Variants in KLC1 observed in about 807,000 individuals in gnomAD.
The protein encoded by KLC1 is kinesin light chain 1.
KLC1 carries 30 observed loss-of-function variants against 84.2 expected under a neutral mutation model. The ratio of observed to expected loss-of-function variants is 0.36; its 90% CI spans 0.27 to 0.48. KLC1 has a LOEUF of 0.48. Among genes scored for constraint, KLC1 ranks in the 20% least tolerant of loss-of-function variants. KLC1 has a pLI of 0.99. For synonymous variants in KLC1, 289 were observed against 293.3 expected (o/e 0.99, Z 0.15); for missense variants, 499 against 805.4 (o/e 0.62, Z 4.60).
intron 1 of KLC1, among the ~76,000 whole-genome samples, chr14:103,641,176 C>T (rs889538144): frequency 2.0e-5 from 3 of 152,164 alleles, no homozygotes; most frequent in African/African-American, 4.8e-5. Context: ...CCACCTGCCT[C>T]GGCCTCCCAG....
intron 1 of KLC1, among the ~76,000 whole-genome samples, chr14:103,636,230 A>AT (rs1022228349): frequency 2.6e-5 from 4 of 151,164 alleles, no homozygotes; most frequent in East Asian, 3.9e-4. Context: ...TTTATTTTTT[A>AT]TTTTTTTTGA....
At chr14:103,663,560 C>T (rs1403757430) in intron 5 of KLC1, among the ~76,000 whole-genome samples, 1 of 152,198 alleles carries the variant, frequency 6.6e-6, no homozygotes, top group Non-Finnish European at 1.5e-5. Flanking sequence ...AATAGCCTTC[C>T]CACTTGGCCT....
chr14:103,688,128 T>A (rs1298110170), intron 14 of KLC1: 2 of 152,242 alleles, frequency 1.3e-5, no homozygotes, highest in Non-Finnish European at 2.9e-5. Context: ...ATGTGCCTGA[T>A]CAGTTGTTTC....
intron 13 of KLC1, chr14:103,679,759 C>A: frequency 3.8e-6 from 2 of 521,920 alleles, no homozygotes; most frequent in South Asian, 5.9e-5. Context: ...AGCTGTTTGG[C>A]TTAACTTTGA....
chr14:103,685,734 A>C, intron 13 of KLC1: 1 of 1,289,032 alleles, frequency 7.8e-7, no homozygotes, highest in Non-Finnish European at 1.0e-6. Context: ...TGTGTCTAGC[A>C]GCCTCTAGGA....
chr14:103,643,570 C>T (rs955590291), intron 1 of KLC1, among the ~76,000 whole-genome samples: 1 of 152,160 alleles, frequency 6.6e-6, no homozygotes, highest in African/African-American at 2.4e-5. Context: ...CCAAGGTGGT[C>T]GGGGCACAGC....
intron 13 of KLC1, chr14:103,682,784 A>ATTTT (rs34915836): frequency 1.6e-4 from 21 of 133,410 alleles, no homozygotes; most frequent in African/African-American, 5.3e-4. Flanking sequence ...ATGTATATGT[A>ATTTT]TTTTTTTTTT....
At chr14:103,642,570 G>A (rs1239428767) in intron 1 of KLC1, among the ~76,000 whole-genome samples, 1 of 152,058 alleles carries the variant, frequency 6.6e-6, no homozygotes, top group African/African-American at 2.4e-5. Flanking sequence ...TTGGAGTAAT[G>A]GGTGATTCTA....
At chr14:103,698,662 TG>T in intron 15 of KLC1, 1 of 787,552 alleles carries the variant, frequency 1.3e-6, no homozygotes, top group Non-Finnish European at 2.1e-6. Context: ...GATGAGAAAG[TG>T]GAGCCGCTGC....
intron 1 of KLC1, among the ~76,000 whole-genome samples, chr14:103,633,863 ATTTT>A (rs547590014): frequency 6.6e-6 from 1 of 150,460 alleles, no homozygotes; most frequent in African/African-American, 2.5e-5. Context: ...TATTATTATT[ATTTT>A]TTTTTTATTA....
At chr14:103,637,673 GGTT>G (rs1481253485) in intron 1 of KLC1, among the ~76,000 whole-genome samples, 1 of 151,996 alleles carries the variant, frequency 6.6e-6, no homozygotes, top group East Asian at 1.9e-4. Context: ...TGTTTTGTCT[GGTT>G]GTTAATGTTT....
chr14:103,690,655 C>T (rs2082054095), intron 14 of KLC1, among the ~76,000 whole-genome samples: 1 of 152,178 alleles, frequency 6.6e-6, no homozygotes, highest in African/African-American at 2.4e-5. Context: ...GCATGCAGTT[C>T]ACGTTCAGAA....
chr14:103,685,280 C>A, intron 13 of KLC1: 1 of 1,356,386 alleles, frequency 7.4e-7, no homozygotes. Flanking sequence ...TTATTTTGGT[C>A]CCTATGTTTT....
At chr14:103,667,858 C>T (rs1025359673) in intron 5 of KLC1, among the ~76,000 whole-genome samples, 6 of 152,190 alleles carry the variant, frequency 3.9e-5, no homozygotes, top group Non-Finnish European at 5.9e-5. Context: ...AAGATGTGTG[C>T]TAAGTCTCAA....
intron 13 of KLC1, chr14:103,685,274 T>A: frequency 7.3e-7 from 1 of 1,368,318 alleles, no homozygotes; most frequent in Non-Finnish European, 9.4e-7. Context: ...TAGCCTTTAT[T>A]TTGGTCCCTA....
At chr14:103,695,783 G>A (rs955138652) in intron 15 of KLC1, 4 of 985,328 alleles carry the variant, frequency 4.1e-6, no homozygotes, top group African/African-American at 3.5e-5. Flanking sequence ...GGCTGTGGGA[G>A]CACTGTGTGT....
Position 103,654,554 on chromosome 14 carries a change from T to G in KLC1, c.-1-10T>G, listed in dbSNP as rs774423569. 27 of 1,570,398 alleles carry G rather than the reference T, an allele frequency of 1.7e-5. No homozygotes were observed. The South Asian group carries it at 2.4e-4, about 14-fold the overall frequency. On this transcript the variant is annotated splice_polypyrimidine_tract_variant and intron_variant, in intron 1 of 16. Coordinates refer to ENST00000334553, the MANE Select transcript of KLC1 (RefSeq NM_001394837.1). ...GAGGGATCTAATTTCTTTTTCTTTT[T>G]TCATTCCAGAATGTATGACAACATG...
At chr14:103,684,410 C>T (rs1302436202) in intron 13 of KLC1, among the ~76,000 whole-genome samples, 1 of 152,226 alleles carries the variant, frequency 6.6e-6, no homozygotes, top group East Asian at 1.9e-4. Flanking sequence ...TGAATCCTCC[C>T]AGGCCCTGAA....
intron 1 of KLC1, among the ~76,000 whole-genome samples, chr14:103,644,087 C>T (rs1406725090): frequency 1.3e-5 from 2 of 151,310 alleles, no homozygotes; most frequent in Non-Finnish European, 2.9e-5. Context: ...TGGTTGCGGG[C>T]GCCTGTGGTC....
Sources: allele counts gnomAD v4.1 joint callset (sites outside exome capture counted in the v4.1 genomes callset), GRCh38; gene constraint gnomAD v4.1.1; transcripts MANE v1.5; gene names NCBI Gene and HGNC (gene_info 2026-07-23, HGNC 2026-07-21).